The following KANSL1 variants were observed in gnomAD, a reference collection of about 807,000 sequenced individuals.
KANSL1 encodes MLL1/MLL complex subunit KANSL1.
In KANSL1, 22 loss-of-function variants were observed where a neutral mutation model predicts 103.6. The ratio of observed to expected loss-of-function variants is 0.21; its 90% CI spans 0.15 to 0.30. The LOEUF is 0.30. KANSL1 is among the 10% of genes least tolerant of loss of function. The pLI, the probability that KANSL1 is intolerant of heterozygous loss-of-function variation, is 1.00. For synonymous variants in KANSL1, 600 were observed against 527.6 expected, an observed-to-expected ratio of 1.14 and a Z score of -1.88; for missense variants, 1,337 against 1,399.8, an observed-to-expected ratio of 0.96 and a Z score of 0.72.
chr17:46,120,160 A>G (rs969461795), intron 2 of KANSL1: 3 of 152,230 alleles, frequency 2.0e-5, no homozygotes, highest in African/African-American at 7.2e-5. Flanking sequence ...AGCTACCAAA[A>G]CTGAACACTG....
intron 1 of KANSL1, chr17:46,221,403 A>G (rs2048529646): frequency 6.6e-6 from 1 of 151,294 alleles, no homozygotes; most frequent in South Asian, 2.1e-4. Context: ...CCCACTCCTT[A>G]GCCCTAACCC....
intron 2 of KANSL1, among the ~76,000 whole-genome samples, chr17:46,127,941 A>C (rs1384846135): frequency 6.6e-6 from 1 of 152,174 alleles, no homozygotes. Flanking sequence ...TTTAAAATAG[A>C]ACATCACAAT....
chr17:46,129,865 C>T (rs2043761379), intron 2 of KANSL1, among the ~76,000 whole-genome samples: 1 of 152,060 alleles, frequency 6.6e-6, no homozygotes, highest in Admixed American at 6.6e-5. Context: ...TAGGGCAGTA[C>T]TCCTTAATAG....
At chr17:46,225,216 G>A (rs182283678), upstream of KANSL1, 32 of 154,372 alleles carry the variant, frequency 2.1e-4, no homozygotes, top group African/African-American at 7.2e-4. Flanking sequence ...CCTCCCAGCC[G>A]GGCCGCTCCC....
intron 2 of KANSL1, among the ~76,000 whole-genome samples, chr17:46,109,232 G>C (rs1040875666): frequency 6.6e-6 from 1 of 152,158 alleles, no homozygotes; most frequent in Non-Finnish European, 1.5e-5. Context: ...ACAGGTGTGA[G>C]CCACTGCACC....
At chr17:46,186,983 C>T (rs1216207406) in intron 1 of KANSL1, among the ~76,000 whole-genome samples, 1 of 152,142 alleles carries the variant, frequency 6.6e-6, no homozygotes, top group Non-Finnish European at 1.5e-5. Context: ...TGATCCGCCT[C>T]GGCCTCCCAA....
At chr17:46,145,607 A>C in intron 2 of KANSL1, among the ~76,000 whole-genome samples, 1 of 152,244 alleles carries the variant, frequency 6.6e-6, no homozygotes, top group East Asian at 1.9e-4. Flanking sequence ...GAAACCAAAA[A>C]ACCCAAAAAG....
intron 1 of KANSL1, among the ~76,000 whole-genome samples, chr17:46,189,160 G>T (rs1276400242): frequency 2.0e-5 from 3 of 148,952 alleles, no homozygotes; most frequent in Non-Finnish European, 4.4e-5. Flanking sequence ...ACTCTAAACT[G>T]TAGCGCACAA....
chr17:46,096,152 T>C (rs866178944), intron 2 of KANSL1, among the ~76,000 whole-genome samples: 33 of 141,606 alleles, frequency 2.3e-4, no homozygotes, highest in African/African-American at 3.5e-4. Context: ...TTTTTTTTTT[T>C]CCTGAGAGGC....
intron 2 of KANSL1, among the ~76,000 whole-genome samples, chr17:46,103,282 C>A (rs796149477): frequency 6.6e-6 from 1 of 152,228 alleles, no homozygotes; most frequent in African/African-American, 2.4e-5. Flanking sequence ...TAAACTCCCA[C>A]AAAACCATCA....
At chr17:46,084,699 A>T (rs1291586994) in intron 3 of KANSL1, among the ~76,000 whole-genome samples, 16 of 23,902 alleles carry the variant, frequency 6.7e-4, no homozygotes, top group Non-Finnish European at 1.7e-3. Context: ...TTAAAAATTA[A>T]AAAAAAAAAA....
chr17:46,202,997 C>A (rs1426900901), intron 1 of KANSL1, among the ~76,000 whole-genome samples: 1 of 152,134 alleles, frequency 6.6e-6, no homozygotes, highest in East Asian at 1.9e-4. Context: ...TTTGGGAGGC[C>A]GAGGCCAGTG....
intron 1 of KANSL1, among the ~76,000 whole-genome samples, chr17:46,210,498 A>ATATGTGAATAT (rs1567806871): frequency 8.3e-3 from 5 of 602 alleles, no homozygotes; most frequent in Non-Finnish European, 0.017. Flanking sequence ...AAAAAAAAAA[A>ATATGTGAATAT]AAAAGACCTG....
chr17:46,185,596 TA>T (rs1184051435), intron 1 of KANSL1, among the ~76,000 whole-genome samples: 2 of 147,238 alleles, frequency 1.4e-5, no homozygotes, highest in Non-Finnish European at 3.0e-5. Flanking sequence ...AGAACTGGAA[TA>T]CAAAAAAAAA....
At chr17:46,062,355 CTTTTTTTTTT>C (rs34577730) in intron 6 of KANSL1, among the ~76,000 whole-genome samples, 13 of 95,470 alleles carry the variant, frequency 1.4e-4, no homozygotes, top group African/African-American at 4.1e-4. Context: ...ATAACAACAG[CTTTTTTTTTT>C]TTTTTTTTTT....
At position 46,171,324 on chromosome 17, in the gene KANSL1, G is replaced by C. The variant is rs745792973; in HGVS notation, c.820C>G (p.Leu274Val). 6.2e-7 allele frequency: 1 copy of C among 1,614,178 alleles called. No homozygotes were observed. ...GTGTCAGAATCTAAAGCACTGAAAAGAATGGAAGACAGGGGAGACTTTTTA... is the reference window on the plus strand; with the variant it reads ...GTGTCAGAATCTAAAGCACTGAAAACAATGGAAGACAGGGGAGACTTTTTA... The part of the protein sequence containing the change: ...EGKKSPLSSI[L>V]FSALDSDTRI... The change falls in exon 2 of 15, where the codon CTT becomes GTT. Residue 274 changes from leucine to valine, a missense_variant. This residue lies in a region of KANSL1 where 557 missense variants were observed against 476.4 expected (regional missense o/e 1.17). Transcript: ENST00000432791.
chr17:46,086,497 TGA>T (rs1414885129), intron 3 of KANSL1, among the ~76,000 whole-genome samples: 2 of 152,168 alleles, frequency 1.3e-5, no homozygotes, highest in African/African-American at 2.4e-5. Context: ...CAAGAAAAAA[TGA>T]GAGACCTATC....
Position 46,175,669 on chromosome 17 carries a change from A to G in KANSL1, c.-89-3437T>C, listed in dbSNP as rs546898656. 3.9e-5 allele frequency among the ~76,000 whole-genome samples: 6 copies of G among 152,246 alleles called. No individual in the cohort carries two copies. The South Asian group carries it at 1.0e-3, about 26-fold the overall frequency. ...CTGGCCTCATATAATTATTAACACC[A>G]AAAGTTTCTTGTTCCAGGGTTGTAT... On this transcript the variant is annotated intron_variant, in intron 1 of 14. Coordinates refer to ENST00000432791, the MANE Select transcript of KANSL1 (RefSeq NM_015443.4).
chr17:46,062,846 T>A (rs2146617304), intron 6 of KANSL1, among the ~76,000 whole-genome samples: 1 of 151,674 alleles, frequency 6.6e-6, no homozygotes, highest in South Asian at 2.1e-4. Context: ...GGTCAGGAGT[T>A]CGAGACCAGT....
Sources: gnomAD v4.1 joint callset for allele counts (sites outside exome capture counted in the v4.1 genomes callset) on GRCh38, gnomAD v4.1.1 for gene constraint, gnomAD v4.1.1 regional missense constraint, MANE v1.5 for transcripts, NCBI Gene and HGNC (gene_info 2026-07-23, HGNC 2026-07-21) for gene names.